RASA1: variants seen among roughly 807,000 people sequenced by gnomAD.
RASA1 encodes RAS p21 protein activator 1.
A neutral mutation model predicts 132.2 loss-of-function variants in RASA1; 25 were observed. That is an observed-to-expected ratio of 0.19 (90% CI 0.14 to 0.26). The LOEUF (loss-of-function observed/expected upper bound fraction) is 0.26, where lower values mean the gene tolerates loss of function less well. Among genes scored for constraint, RASA1 ranks in the 10% least tolerant of loss-of-function variants. RASA1 has a pLI of 1.00. For missense variants in RASA1, 964 were observed against 1,299.2 expected, an observed-to-expected ratio of 0.74 and a Z score of 3.97; for synonymous variants, 477 against 449.9, an observed-to-expected ratio of 1.06 and a Z score of -0.76.
chr5:87,280,288 A>G (rs1318949101), intron 1 of RASA1, among the ~76,000 whole-genome samples: 2 of 152,036 alleles, frequency 1.3e-5, no homozygotes, highest in African/African-American at 4.8e-5. Flanking sequence ...TAACCATCAC[A>G]GTAATGATGT....
intron 1 of RASA1, among the ~76,000 whole-genome samples, chr5:87,310,329 T>A (rs573733180): frequency 8.2e-4 from 125 of 152,286 alleles, no homozygotes; most frequent in Middle Eastern, 3.4e-3. Context: ...GAATTTATCA[T>A]CAAAATATTT....
At chr5:87,371,984 A>C in intron 12 of RASA1, 134 bp from the exon 13 acceptor site, 1 of 640,768 alleles carries the variant, frequency 1.6e-6, no homozygotes, top group Non-Finnish European at 2.8e-6. Flanking sequence ...TATGAAGTAC[A>C]GTATAGTCTG....
At position 87,380,607 on chromosome 5, in the gene RASA1, C is replaced by T; in HGVS notation, c.2690+12C>T. On this transcript the variant is annotated intron_variant, in intron 20 of 24. Coordinates refer to ENST00000274376, the MANE Select transcript of RASA1 (RefSeq NM_002890.3). Reference sequence around the variant, plus strand: ...ACAAGAGTTGTTAGGTAAGGCTCATCAATTGATTTGTTAAATCACATACTA... The same window carrying T: ...ACAAGAGTTGTTAGGTAAGGCTCATTAATTGATTTGTTAAATCACATACTA... 6.3e-7 allele frequency: 1 copy of T among 1,596,182 alleles called. No homozygotes were observed. Among genetic ancestry groups the T allele is most frequent in the Non-Finnish European group, 8.6e-7 (1 of 1,164,038 alleles).
At chr5:87,287,236 A>T (rs1330144693) in intron 1 of RASA1, among the ~76,000 whole-genome samples, 2 of 147,660 alleles carry the variant, frequency 1.4e-5, no homozygotes, top group Non-Finnish European at 3.0e-5. Context: ...TATACACACC[A>T]TATATATACC....
At chr5:87,281,048 A>G (rs1580193317) in intron 1 of RASA1, among the ~76,000 whole-genome samples, 1 of 152,088 alleles carries the variant, frequency 6.6e-6, no homozygotes, top group South Asian at 2.1e-4. Context: ...CAGTGTGCAC[A>G]TGGTATATAA....
At chr5:87,341,083 A>G (rs887627885) in intron 5 of RASA1, among the ~76,000 whole-genome samples, 8 of 152,090 alleles carry the variant, frequency 5.3e-5, no homozygotes, top group African/African-American at 1.2e-4. Flanking sequence ...AGAAAAGTCG[A>G]TAAGAGGGCC....
intron 1 of RASA1, among the ~76,000 whole-genome samples, chr5:87,272,720 A>G (rs1359891678): frequency 1.3e-5 from 2 of 152,144 alleles, no homozygotes; most frequent in African/African-American, 4.8e-5. Context: ...ATTTTACAGA[A>G]TGTTTTGAAC....
intron 1 of RASA1, among the ~76,000 whole-genome samples, chr5:87,312,824 C>G (rs1415024517): frequency 1.3e-5 from 2 of 152,110 alleles, no homozygotes; most frequent in Non-Finnish European, 2.9e-5. Flanking sequence ...AGAACTCTTT[C>G]TTTGATCTTG....
chr5:87,298,814 A>G (rs1017519910), intron 1 of RASA1, among the ~76,000 whole-genome samples: 3 of 152,208 alleles, frequency 2.0e-5, no homozygotes, highest in Non-Finnish European at 4.4e-5. Context: ...GCAGTTTTGA[A>G]CAAAGAGAGC....
At chr5:87,339,262 A>G (rs539650214) in intron 5 of RASA1, among the ~76,000 whole-genome samples, 95 of 152,286 alleles carry the variant, frequency 6.2e-4, no homozygotes, top group African/African-American at 2.3e-3. Context: ...AGAGGTGGGA[A>G]AAGTTGAGGA....
At chr5:87,362,834 G>T (rs1760215462) in intron 10 of RASA1, among the ~76,000 whole-genome samples, 163 bp downstream of exon 10, 1 of 151,302 alleles carries the variant, frequency 6.6e-6, no homozygotes, top group Non-Finnish European at 1.5e-5. Flanking sequence ...TAGAGTGTAG[G>T]TATATTAAAA....
intron 1 of RASA1, among the ~76,000 whole-genome samples, chr5:87,326,216 C>G (rs1203856053): frequency 6.6e-6 from 1 of 152,198 alleles, no homozygotes; most frequent in African/African-American, 2.4e-5. Flanking sequence ...CAGCAGTCCC[C>G]TCCTCAGCCT....
rs749848937 is a variant in RASA1, at chr5:87,353,170, A to G, written c.1267A>G (p.Ile423Val). 1.1e-5 allele frequency: 17 copies of G among 1,609,858 alleles called. No individual in the cohort carries two copies. The South Asian group carries it at 1.6e-4, about 16-fold the overall frequency. The change falls in exon 9 of 25, where the codon ATA becomes GTA. Residue 423 changes from isoleucine (I) to valine (V), a missense_variant. Physicochemically the swap from Ile to Val is conservative, Grantham distance 29 (BLOSUM62 3). Coordinates refer to ENST00000274376, the MANE Select transcript of RASA1 (RefSeq NM_002890.3). ...TTATTTTAACAGCATTGGGGACATCATAGATCACTATCGAAAAGAACAGAT... is the reference window on the plus strand; with the variant it reads ...TTATTTTAACAGCATTGGGGACATCGTAGATCACTATCGAAAAGAACAGAT... ...GRYYNSIGDIIDHYRKEQIVE... is the reference protein window; with the variant it reads ...GRYYNSIGDIVDHYRKEQIVE...
At chr5:87,385,156 A>C (rs1345651302) in intron 21 of RASA1, 145 bp from the exon 22 acceptor site, 1 of 675,852 alleles carries the variant, frequency 1.5e-6, no homozygotes, top group Non-Finnish European at 2.6e-6. Context: ...TTCAAAAAAC[A>C]TTTTTCCAAA....
chr5:87,326,603 T>G (rs1056348265), intron 1 of RASA1, among the ~76,000 whole-genome samples: 5 of 152,186 alleles, frequency 3.3e-5, no homozygotes, highest in African/African-American at 1.2e-4. Context: ...CATTAAATGC[T>G]TTATTATTAA....
intron 11 of RASA1, among the ~76,000 whole-genome samples, chr5:87,368,617 A>G (rs1760702623): frequency 1.3e-5 from 2 of 152,198 alleles, no homozygotes; most frequent in Non-Finnish European, 1.5e-5. Flanking sequence ...TGCCCTTATC[A>G]TGAAGGCACA....
At chr5:87,354,726 A>G (rs1365180841) in intron 9 of RASA1, among the ~76,000 whole-genome samples, 2 of 152,184 alleles carry the variant, frequency 1.3e-5, no homozygotes, top group Non-Finnish European at 2.9e-5. Context: ...GAAAGCCAAA[A>G]TAGGCTGAAA....
chr5:87,330,857 A>T (rs186610578), intron 1 of RASA1: 1 of 764,084 alleles, frequency 1.3e-6, no homozygotes, highest in African/African-American at 1.8e-5. Flanking sequence ...TTAAAATAGC[A>T]TCCTTTAGAC....
intron 11 of RASA1, among the ~76,000 whole-genome samples, chr5:87,364,829 A>T (rs1760384446): frequency 6.6e-6 from 1 of 152,070 alleles, no homozygotes; most frequent in Non-Finnish European, 1.5e-5. Context: ...CCACCTCTCA[A>T]CCAATTTTTA....
Sources: allele counts gnomAD v4.1 joint callset (sites outside exome capture counted in the v4.1 genomes callset), GRCh38; gene constraint gnomAD v4.1.1; transcripts MANE v1.5; gene names NCBI Gene and HGNC (gene_info 2026-07-23, HGNC 2026-07-21).